Variants in CACNA2D3 observed in about 807,000 individuals in gnomAD.
CACNA2D3 encodes the protein voltage-dependent calcium channel subunit alpha-2/delta-3.
In CACNA2D3, 60 loss-of-function variants were observed where a neutral mutation model predicts 160.6. That is an observed-to-expected ratio of 0.37 (90% CI 0.30 to 0.46). The LOEUF (loss-of-function observed/expected upper bound fraction) is 0.46, where lower values mean the gene tolerates loss of function less well. Among genes scored for constraint, CACNA2D3 ranks in the 20% least tolerant of loss-of-function variants. The probability of loss-of-function intolerance (pLI) is 1.00; values close to 1 mark genes in which losing one functional copy is unlikely to be tolerated. For synonymous variants in CACNA2D3, 558 were observed against 492.9 expected (o/e 1.13, Z -1.75); for missense variants, 1,205 against 1,365.0 (o/e 0.88, Z 1.85).
intron 31 of CACNA2D3, among the ~76,000 whole-genome samples, chr3:54,997,887 C>G (rs1019709850): frequency 1.3e-5 from 2 of 152,130 alleles, no homozygotes; most frequent in Non-Finnish European, 2.9e-5. Flanking sequence ...GAGGCCTCAT[C>G]AGAGGCCCAT....
chr3:54,879,731 G>C (rs1046447065), intron 20 of CACNA2D3, among the ~76,000 whole-genome samples: 1 of 152,186 alleles, frequency 6.6e-6, no homozygotes, highest in Non-Finnish European at 1.5e-5. Context: ...TGAACTTGCT[G>C]CTTTGTGAGT....
chr3:54,898,860 C>T lies in CACNA2D3; in HGVS notation c.2369-928C>T, dbSNP rs576701573. ...GACATTTCATAACCCCCTTAGAGTC[C>T]GGGAAAATCTTAAAAATCACCAACT... On this transcript the variant is annotated intron_variant, in intron 26 of 37. Coordinates refer to ENST00000474759, the MANE Select transcript of CACNA2D3 (RefSeq NM_018398.3). 9.2e-5 allele frequency among the ~76,000 whole-genome samples: 14 copies of T among 152,082 alleles called. No individual in the cohort carries two copies. In the East Asian group the frequency reaches 1.2e-3, roughly 13 times the overall value.
intron 27 of CACNA2D3, among the ~76,000 whole-genome samples, chr3:54,919,585 T>G (rs1700776750): frequency 6.6e-6 from 1 of 152,178 alleles, no homozygotes; most frequent in Non-Finnish European, 1.5e-5. Flanking sequence ...CTCAGGTGTG[T>G]AGACTGCTGT....
chr3:54,522,796 A>G (rs1346259319), intron 5 of CACNA2D3, among the ~76,000 whole-genome samples: 1 of 152,206 alleles, frequency 6.6e-6, no homozygotes, highest in Non-Finnish European at 1.5e-5. Context: ...TCATGAGGGC[A>G]GAGACCTCAT....
Position 54,280,241 on chromosome 3 carries a change from C to T in CACNA2D3, c.205-40201C>T, listed in dbSNP as rs377667658. Among the ~76,000 whole-genome samples, 21 of 152,126 alleles carry T rather than the reference C, an allele frequency of 1.4e-4. No individual in the cohort carries two copies. In the South Asian group the frequency reaches 1.7e-3, roughly 12 times the overall value. On this transcript the variant is annotated intron_variant, in intron 2 of 37. Coordinates refer to ENST00000474759, the MANE Select transcript of CACNA2D3 (RefSeq NM_018398.3). ...GAACTACAGGTGCTCGCCACCACGC[C>T]CAGCTAATTTTTTGCATTTTTAGTA...
chr3:54,456,418 C>G (rs1700396955), intron 4 of CACNA2D3, among the ~76,000 whole-genome samples: 1 of 151,788 alleles, frequency 6.6e-6, no homozygotes, highest in Non-Finnish European at 1.5e-5. Flanking sequence ...GATTTTGTAT[C>G]CTGCAACTTT....
chr3:55,020,895 A>G (rs538188298), intron 35 of CACNA2D3, among the ~76,000 whole-genome samples: 7 of 152,176 alleles, frequency 4.6e-5, no homozygotes, highest in South Asian at 2.1e-4. Flanking sequence ...GCTGGATTCA[A>G]TTTACTTACA....
intron 2 of CACNA2D3, among the ~76,000 whole-genome samples, chr3:54,145,470 G>A (rs1411352734): frequency 6.6e-6 from 1 of 152,164 alleles, no homozygotes; most frequent in Admixed American, 6.5e-5. Flanking sequence ...TTTTCTTTTA[G>A]GGAAGTGTCC....
chr3:54,564,329 G>GT (rs142153607), intron 6 of CACNA2D3, among the ~76,000 whole-genome samples: 1 of 152,286 alleles, frequency 6.6e-6, no homozygotes, highest in Non-Finnish European at 1.5e-5. Flanking sequence ...TACATACAAG[G>GT]TTTTTATCAG....
chr3:54,669,452 A>G (rs1294513417), intron 11 of CACNA2D3, among the ~76,000 whole-genome samples: 1 of 152,178 alleles, frequency 6.6e-6, no homozygotes, highest in African/African-American at 2.4e-5. Context: ...ACTTAATCTC[A>G]TTGTTTTCAT....
chr3:54,459,918 A>AAAAT (rs1355010400), intron 4 of CACNA2D3, among the ~76,000 whole-genome samples: 6 of 152,352 alleles, frequency 3.9e-5, no homozygotes, highest in African/African-American at 1.4e-4. Context: ...CTAACATTTA[A>AAAAT]GTCTTTAATC....
chr3:54,290,719 C>T (rs1331381516), intron 2 of CACNA2D3, among the ~76,000 whole-genome samples: 1 of 151,900 alleles, frequency 6.6e-6, no homozygotes, highest in African/African-American at 2.4e-5. Flanking sequence ...CCATGGAATA[C>T]TATGCAGCCA....
intron 13 of CACNA2D3, among the ~76,000 whole-genome samples, chr3:54,775,346 T>TAA (rs1702407187): frequency 6.6e-6 from 1 of 152,198 alleles, no homozygotes; most frequent in Admixed American, 6.5e-5. Flanking sequence ...GCCCTTTAGT[T>TAA]AAATGTCTTT....
chr3:54,858,475 G>T (rs976533568), intron 17 of CACNA2D3, among the ~76,000 whole-genome samples: 41 of 152,198 alleles, frequency 2.7e-4, no homozygotes, highest in African/African-American at 9.9e-4. Context: ...TGGGGGGAGA[G>T]AGTTATTAAT....
intron 14 of CACNA2D3, among the ~76,000 whole-genome samples, chr3:54,831,317 C>T (rs555346924): frequency 1.3e-5 from 2 of 152,358 alleles, no homozygotes; most frequent in Non-Finnish European, 2.9e-5. Flanking sequence ...CCAGGTCCAG[C>T]TTGCCTCCTT....
chr3:54,855,238 G>C (rs1405762616), intron 17 of CACNA2D3, among the ~76,000 whole-genome samples: 1 of 152,128 alleles, frequency 6.6e-6, no homozygotes, highest in African/African-American at 2.4e-5. Flanking sequence ...GTTCACCCGT[G>C]TCCTCTGGGA....
intron 35 of CACNA2D3, among the ~76,000 whole-genome samples, chr3:55,035,465 G>T (rs192680340): frequency 6.6e-6 from 1 of 152,258 alleles, no homozygotes; most frequent in East Asian, 1.9e-4. Context: ...TGAGATTAAT[G>T]GACCCTGATT....
chr3:54,812,674 A>C (rs998540283), intron 13 of CACNA2D3, among the ~76,000 whole-genome samples: 2 of 152,148 alleles, frequency 1.3e-5, no homozygotes, highest in Non-Finnish European at 2.9e-5. Context: ...GAGGTCCCCA[A>C]GTCCTTTGGG....
intron 2 of CACNA2D3, among the ~76,000 whole-genome samples, chr3:54,274,473 T>C (rs1702691586): frequency 6.6e-6 from 1 of 152,224 alleles, no homozygotes; most frequent in African/African-American, 2.4e-5. Flanking sequence ...ACCCCTAGAA[T>C]GTTAGTGCTC....
Sources: allele counts gnomAD v4.1 joint callset (sites outside exome capture counted in the v4.1 genomes callset), GRCh38; gene constraint gnomAD v4.1.1; transcripts MANE v1.5; gene names NCBI Gene and HGNC (gene_info 2026-07-23, HGNC 2026-07-21).